Variants in TNXB observed in about 807,000 individuals in gnomAD.
TNXB encodes tenascin-X.
TNXB carries 183 observed loss-of-function variants against 340.5 expected under a neutral mutation model. That is an observed-to-expected ratio of 0.54 (90% CI 0.48 to 0.61). The LOEUF is 0.61. Among genes scored for constraint, TNXB ranks in the 20% least tolerant of loss-of-function variants. The pLI, the probability that TNXB is intolerant of heterozygous loss-of-function variation, is 0.00. For missense variants in TNXB, 4,613 were observed against 5,446.4 expected (o/e 0.85, Z 4.82); for synonymous variants, 2,121 against 2,314.5 (o/e 0.92, Z 2.40).
At chr6:32,086,594 A>G (rs1438521537) in intron 6 of TNXB, among the ~76,000 whole-genome samples, 5 of 152,112 alleles carry the variant, frequency 3.3e-5, no homozygotes, top group Admixed American at 1.3e-4. Context: ...TCTGGGCCCT[A>G]TGGGGGAAGA....
rs1780326294 is a variant in TNXB at position 32,096,079 on chromosome 6, T to A, written c.1774A>T (p.Asn592Tyr). 6.2e-7 allele frequency: 1 copy of A among 1,611,792 alleles called. No homozygotes were observed. Among genetic ancestry groups the A allele is most frequent in the African/African-American group, 1.3e-5 (1 of 74,868 alleles). ...GEDCGVRQCP[N>Y]DCSQHGVCQD... ...CACACGCCGTGCTGGCTGCAGTCAT[T>A]CGGGCACTGCCTCACACCGCAATCC... is the stretch of plus-strand genomic sequence containing the variant. The change falls in exon 3 of 44, where the codon AAT (asparagine) becomes TAT (tyrosine). Residue 592 changes from asparagine (N) to tyrosine (Y), a missense_variant. Asn to Tyr is a moderately radical substitution (Grantham distance 143). This residue lies in a region of TNXB where 4,327 missense variants were observed against 4,859.4 expected (regional missense o/e 0.89). Transcript: ENST00000644971.
chr6:32,076,875 G>T (rs374571611), intron 11 of TNXB, among the ~76,000 whole-genome samples: 1 of 152,162 alleles, frequency 6.6e-6, no homozygotes. Context: ...CCAGCTACTT[G>T]GGGGGCTGAG....
Position 32,081,699 on chromosome 6 carries a change from T to G in TNXB, c.3737-26A>C. On this transcript the variant is annotated intron_variant, in intron 9 of 43. Transcript: ENST00000644971. This position sits in a 1 kb window ranked among gnomAD's most constrained non-coding sequence, Gnocchi z 5.1. ...CTGTAAACAAGGAGATCCAGCCAGG[T>G]GCTGAACTGGCAGCCTGGGACTGGG... The G allele has an allele frequency of 1.3e-6, 2 of 1,521,820 alleles. No individual in the cohort carries two copies. The highest frequency in any genetic ancestry group is 8.9e-7 in the Non-Finnish European group (1 of 1,128,008). 94.3% of individuals were successfully genotyped at this position (1,521,820 alleles called of 1,614,324 possible).
Position 32,067,697 on chromosome 6 carries a change from G to T in TNXB, c.6508C>A (p.Arg2170=). ...KMHLYGLHEG[R]RVGPVSAVGV... Reference sequence around the variant, plus strand: ...ACAGCAGACACTGGGCCCACGCGCCGCCCCTCGTGGAGGCCGTACAGGTGC... The same window carrying T: ...ACAGCAGACACTGGGCCCACGCGCCTCCCCTCGTGGAGGCCGTACAGGTGC... The change falls in exon 18 of 44, where the codon CGG becomes AGG. Residue 2170 remains arginine, a synonymous_variant. Coordinates refer to ENST00000644971, the MANE Select transcript of TNXB (RefSeq NM_001365276.2). This position sits in a 1 kb window ranked among gnomAD's most constrained non-coding sequence, Gnocchi z 4.2. 1.2e-6 allele frequency: 2 copies of T among 1,613,712 alleles called. No homozygotes were observed. Among genetic ancestry groups the T allele is most frequent in the South Asian group, 1.1e-5 (1 of 91,068 alleles).
intron 4 of TNXB, 86 bp downstream of exon 4, chr6:32,094,990 A>G (rs757133737): frequency 1.9e-5 from 21 of 1,132,470 alleles, no homozygotes; most frequent in Non-Finnish European, 2.2e-5. Flanking sequence ...TCAACCAATG[A>G]TCACCTGGAA....
chr6:32,086,261 C>T (rs1779769897), intron 6 of TNXB, 143 bp from the exon 7 acceptor site: 1 of 1,013,380 alleles, frequency 9.9e-7, no homozygotes, highest in Non-Finnish European at 1.4e-6. Context: ...CCACTCCCTC[C>T]TCCCAAAGGT....
Position 32,067,171 on chromosome 6 carries a change from G to GAAAGAA in TNXB, c.6544+484_6544+489dup, listed in dbSNP as rs1778419387. ...AGAAAGAAAGAAAGAAAGAAAGAAA[G>GAAAGAA]AAAGAAAGAAAGAAAACATTCTAGT... On this transcript the variant is annotated intron_variant, in intron 18 of 43. Coordinates refer to ENST00000644971, the MANE Select transcript of TNXB (RefSeq NM_001365276.2). The surrounding 1 kb of genome is among the most constrained non-coding windows in gnomAD (Gnocchi z 4.2). Among the ~76,000 whole-genome samples the GAAAGAA allele has an allele frequency of 6.7e-6, 1 of 148,202 alleles. No homozygotes were observed. The highest frequency in any genetic ancestry group is 6.7e-5 in the Admixed American group (1 of 14,816).
In TNXB at chr6:32,081,408, G is replaced by A. The variant is rs1161726032; in HGVS notation, c.4002C>T (p.Gly1334=). Residue 1334 remains glycine (G), a synonymous_variant, in exon 10 of 44, where the codon GGC becomes GGT. Transcript: ENST00000644971. This position sits in a 1 kb window ranked among gnomAD's most constrained non-coding sequence, Gnocchi z 5.1. ...CAGACTCGGGCCCCACACGCTGCCTGCCACGAAGCCCGTAGAGGTTCATCT... is the reference window on the plus strand; with the variant it reads ...CAGACTCGGGCCCCACACGCTGCCTACCACGAAGCCCGTAGAGGTTCATCT... ...KYKMNLYGLR[G]RQRVGPESVV... is the part of the protein sequence containing the mutation. 1 of 1,547,162 alleles carries A rather than the reference G, an allele frequency of 6.5e-7. No individual in the cohort carries two copies. Among genetic ancestry groups the A allele is most frequent in the Non-Finnish European group, 8.7e-7 (1 of 1,144,354 alleles).
rs1463832450 is a variant in TNXB, at chr6:32,079,121, G to A, written c.4287C>T (p.Gly1429=). Reference sequence around the variant, plus strand: ...TCTTGTACTTGTGCCCGGGCTCTAGGCCTCCCACGGTGACCTCACTCTCCT... The same window carrying A: ...TCTTGTACTTGTGCCCGGGCTCTAGACCTCCCACGGTGACCTCACTCTCCT... ...GGKESEVTVG[G]LEPGHKYKMH... Residue 1429 remains glycine (G), a synonymous_variant, in exon 11 of 44, where the codon GGC becomes GGT. Transcript: ENST00000644971. This position sits in a 1 kb window ranked among gnomAD's most constrained non-coding sequence, Gnocchi z 7.1. 12 of 1,613,680 alleles carry A rather than the reference G, an allele frequency of 7.4e-6. No homozygotes were observed. Among genetic ancestry groups the A allele is most frequent in the Non-Finnish European group, 1.0e-5 (12 of 1,179,896 alleles).
Position 32,073,109 on chromosome 6 carries a change from A to G in TNXB, c.4681+538T>C, listed in dbSNP as rs1778872219. ...CAACAATCATGGAGAACCTGTGCCC[A>G]GGAAGCCATGAGGGGCAGGAAGGAG... On this transcript the variant is annotated intron_variant, in intron 12 of 43. Coordinates refer to ENST00000644971, the MANE Select transcript of TNXB (RefSeq NM_001365276.2). This position sits in a 1 kb window ranked among gnomAD's most constrained non-coding sequence, Gnocchi z 4.6. 6.6e-6 allele frequency among the ~76,000 whole-genome samples: 1 copy of G among 152,330 alleles called. No individual in the cohort carries two copies. The highest frequency in any genetic ancestry group is 2.1e-4 in the South Asian group (1 of 4,826).
chr6:32,048,093 G>T (rs1777016499), intron 29 of TNXB, 81 bp from the exon 30 acceptor site: 1 of 1,499,136 alleles, frequency 6.7e-7, no homozygotes, highest in African/African-American at 1.4e-5. Flanking sequence ...ATGGCTCTGT[G>T]AGCCGGTCCC....
intron 1 of TNXB, among the ~76,000 whole-genome samples, chr6:32,106,681 G>T (rs542253145): frequency 1.4e-4 from 21 of 152,252 alleles, no homozygotes; most frequent in Non-Finnish European, 3.1e-4. Flanking sequence ...ACCCAAGAAA[G>T]CCCAGGCCGA....
At chr6:32,041,740 C>T (rs762637200) in intron 43 of TNXB, 31 bp downstream of exon 43, 1 of 699,636 alleles carries the variant, frequency 1.4e-6, no homozygotes, top group South Asian at 1.6e-5. Flanking sequence ...CCCCAGCCAC[C>T]CCAGCTCTGA....
In TNXB at chr6:32,072,602, C is replaced by T. The variant is rs150433409; in HGVS notation, c.4682-304G>A. Among the ~76,000 whole-genome samples the T allele has an allele frequency of 3.2e-3, 483 of 152,298 alleles. 4 individuals carry two copies. Among genetic ancestry groups the T allele is most frequent in the African/African-American group, 0.011 (458 of 41,552 alleles). ...TCTAAATTTTGTAGTTTAGTAAACG[C>T]GCCACCAAGTCCTGTTATTTAATGA... is the stretch of plus-strand genomic sequence containing the variant. On this transcript the variant is annotated intron_variant, in intron 12 of 43. Transcript: ENST00000644971. The surrounding 1 kb of genome is among the most constrained non-coding windows in gnomAD (Gnocchi z 4.4).
rs915771300 is a variant in TNXB at position 32,089,847 on chromosome 6, G to A, written c.2359-468C>T. 6.6e-6 allele frequency among the ~76,000 whole-genome samples: 1 copy of A among 152,130 alleles called. No individual in the cohort carries two copies. The highest frequency in any genetic ancestry group is 1.5e-5 in the Non-Finnish European group (1 of 68,012). On this transcript the variant is annotated intron_variant, in intron 4 of 43. Transcript: ENST00000644971. The surrounding 1 kb of genome is among the most constrained non-coding windows in gnomAD (Gnocchi z 6.2). ...GCACCAGGACTCTCCCTCCAGCTTTGCCCTGGCAACTCTGACTACCTGGGC... is the reference window on the plus strand; with the variant it reads ...GCACCAGGACTCTCCCTCCAGCTTTACCCTGGCAACTCTGACTACCTGGGC...
Position 32,081,563 on chromosome 6 carries a change from C to T in TNXB, c.3847G>A (p.Val1283Met), listed in dbSNP as rs1779440934. Residue 1283 changes from valine (V) to methionine (M), a missense_variant, in exon 10 of 44, where the codon GTG (valine) becomes ATG (methionine). Val to Met is a conservative substitution (Grantham distance 21, BLOSUM62 1). Transcript: ENST00000644971. This position sits in a 1 kb window ranked among gnomAD's most constrained non-coding sequence, Gnocchi z 5.1. Reference sequence around the variant, plus strand: ...AATGAGTCGAAGGGGCCCTGGGCCACTGTCCATGAGAGACGCAAGGAGTCT... The same window carrying T: ...AATGAGTCGAAGGGGCCCTGGGCCATTGTCCATGAGAGACGCAAGGAGTCT... ...TPDSLRLSWT[V>M]AQGPFDSFMV... 3 of 1,604,204 alleles carry T rather than the reference C, an allele frequency of 1.9e-6. No homozygotes were observed. Among genetic ancestry groups the T allele is most frequent in the Non-Finnish European group, 2.6e-6 (3 of 1,175,614 alleles).
chr6:32,087,956 G>A lies in TNXB; in HGVS notation c.2779+829C>T, dbSNP rs1054069023. ...GGCCGGGACTTGGGGGGCGGGGCTG[G>A]GGGGCGCACCTCCGGGTAACTGTAG... On this transcript the variant is annotated intron_variant, in intron 6 of 43. Transcript: ENST00000644971. The surrounding 1 kb of genome is among the most constrained non-coding windows in gnomAD (Gnocchi z 9.0). 2 of 311,104 alleles carry A rather than the reference G, an allele frequency of 6.4e-6. No homozygotes were observed. Among genetic ancestry groups the A allele is most frequent in the Non-Finnish European group, 1.2e-5 (2 of 160,080 alleles). 19.3% of individuals were successfully genotyped at this position (311,104 alleles called of 1,614,324 possible).
chr6:32,045,927 C>G, intron 31 of TNXB: 12 of 1,248,266 alleles, frequency 9.6e-6, no homozygotes, highest in Non-Finnish European at 1.2e-5. Context: ...AGTGACGGGG[C>G]AGAGTCGGGG....
In TNXB at chr6:32,049,928, C is replaced by T. The variant is rs1012589268; in HGVS notation, c.9439+70G>A. 1.3e-5 allele frequency: 21 copies of T among 1,603,332 alleles called. No individual in the cohort carries two copies. In the Admixed American group the frequency reaches 3.5e-4, roughly 27 times the overall value. ...ACCAGACCCCTGTCCCATTCCCCACCAGTCATCACCAAAGAGCAAGAGGTG... is the reference window on the plus strand; with the variant it reads ...ACCAGACCCCTGTCCCATTCCCCACTAGTCATCACCAAAGAGCAAGAGGTG... On this transcript the variant is annotated intron_variant, in intron 27 of 43. Coordinates refer to ENST00000644971, the MANE Select transcript of TNXB (RefSeq NM_001365276.2). The surrounding 1 kb of genome is among the most constrained non-coding windows in gnomAD (Gnocchi z 4.5).
Sources: allele counts gnomAD v4.1 joint callset (sites outside exome capture counted in the v4.1 genomes callset), GRCh38; gene constraint gnomAD v4.1.1; regional missense constraint gnomAD v4.1.1; non-coding constraint Gnocchi (gnomAD v3.1); transcripts MANE v1.5; gene names NCBI Gene and HGNC (gene_info 2026-07-23, HGNC 2026-07-21).